PACS1: variants seen among roughly 807,000 people sequenced by gnomAD.
PACS1 encodes the protein PACS-1.
A neutral mutation model predicts 115.0 loss-of-function variants in PACS1; 24 were observed. The observed-to-expected ratio is 0.21, with a 90% confidence interval of 0.15 to 0.29. PACS1 has a LOEUF of 0.29. Among genes scored for constraint, PACS1 ranks in the 10% least tolerant of loss-of-function variants. The pLI is 1.00. For synonymous variants in PACS1, 453 were observed against 504.5 expected (o/e 0.90, Z 1.37); for missense variants, 838 against 1,251.2 (o/e 0.67, Z 4.98).
At position 66,096,524 on chromosome 11, in the gene PACS1, C is replaced by T. The variant is rs547430873; in HGVS notation, c.356+25682C>T. On this transcript the variant is annotated intron_variant, in intron 1 of 23. Transcript: ENST00000320580. ...TGAATTTTTTTTTTTTTTTTTGAGA[C>T]GGGAGTTTCACTCTTGTTGCCCAGG... is the stretch of plus-strand genomic sequence containing the variant. Among the ~76,000 whole-genome samples the T allele has an allele frequency of 5.6e-3, 759 of 135,052 alleles. 18 individuals carry two copies. The highest frequency in any genetic ancestry group is 3.2e-3 in the Non-Finnish European group (207 of 63,978). 88.6% of individuals were successfully genotyped at this position (135,052 alleles called of 152,430 possible).
intron 2 of PACS1, among the ~76,000 whole-genome samples, chr11:66,198,509 A>T (rs992628575): frequency 6.6e-6 from 1 of 152,126 alleles, no homozygotes; most frequent in African/African-American, 2.4e-5. Flanking sequence ...AGACACAAAA[A>T]ACCACATATT....
intron 1 of PACS1, among the ~76,000 whole-genome samples, chr11:66,190,305 C>G (rs1224335576): frequency 6.6e-6 from 1 of 152,118 alleles, no homozygotes; most frequent in Non-Finnish European, 1.5e-5. Context: ...CATATTCAGT[C>G]TTTTCCATTG....
At position 66,235,226 on chromosome 11, in the gene PACS1, T is replaced by A; in HGVS notation, c.2105-75T>A. The A allele has an allele frequency of 9.6e-7, 1 of 1,039,060 alleles. No individual in the cohort carries two copies. The highest frequency in any genetic ancestry group is 1.3e-5 in the South Asian group (1 of 76,456). 64.4% of individuals were successfully genotyped at this position (1,039,060 alleles called of 1,614,324 possible). A position where few individuals can be genotyped will look rare whatever the true frequency, so the allele number is the denominator to read the frequency against. ...GAGTCTGACGGGTCTCAGGAAGGGATCCCTCTCCGAGAGGGTCTGCAGGTT... is the reference window on the plus strand; with the variant it reads ...GAGTCTGACGGGTCTCAGGAAGGGAACCCTCTCCGAGAGGGTCTGCAGGTT... On this transcript the variant is annotated intron_variant, in intron 17 of 23. Transcript: ENST00000320580. The surrounding 1 kb of genome is among the most constrained non-coding windows in gnomAD (Gnocchi z 5.6).
At chr11:66,115,576 A>G (rs1021163749) in intron 1 of PACS1, among the ~76,000 whole-genome samples, 6 of 152,250 alleles carry the variant, frequency 3.9e-5, no homozygotes, top group African/African-American at 1.4e-4. Context: ...GAATCTTTCA[A>G]AACCCCACAT....
intron 4 of PACS1, among the ~76,000 whole-genome samples, chr11:66,215,716 G>A (rs1190915108): frequency 3.3e-5 from 5 of 151,830 alleles, no homozygotes; most frequent in Non-Finnish European, 5.9e-5. Context: ...GGCCAACATA[G>A]TGAAACCCTG....
At chr11:66,133,255 G>A (rs1938773809) in intron 1 of PACS1, among the ~76,000 whole-genome samples, 1 of 152,270 alleles carries the variant, frequency 6.6e-6, no homozygotes, top group Non-Finnish European at 1.5e-5. Context: ...TTTATTTGTT[G>A]CATTTATTCA....
At chr11:66,200,696 CA>C (rs1213447934) in intron 2 of PACS1, among the ~76,000 whole-genome samples, 1 of 152,128 alleles carries the variant, frequency 6.6e-6, no homozygotes. Context: ...CCCATTACAA[CA>C]ATAGCTAGAG....
At chr11:66,095,251 C>T (rs1327245108) in intron 1 of PACS1, among the ~76,000 whole-genome samples, 3 of 151,776 alleles carry the variant, frequency 2.0e-5, no homozygotes. Flanking sequence ...AAGAGGAAGT[C>T]AAATTGTCCC....
At chr11:66,186,170 G>A (rs1050106466) in intron 1 of PACS1, among the ~76,000 whole-genome samples, 1 of 151,972 alleles carries the variant, frequency 6.6e-6, no homozygotes, top group Non-Finnish European at 1.5e-5. Flanking sequence ...AGCTACTTAG[G>A]AGGTTGAGAT....
chr11:66,150,376 T>A (rs1289615351), intron 1 of PACS1, among the ~76,000 whole-genome samples: 1 of 152,176 alleles, frequency 6.6e-6, no homozygotes, highest in Non-Finnish European at 1.5e-5. Flanking sequence ...TTTGCTGACT[T>A]CTAGGCAGGA....
At chr11:66,230,392 C>G in intron 11 of PACS1, 156 bp from the exon 12 acceptor site, 1 of 620,036 alleles carries the variant, frequency 1.6e-6, no homozygotes, top group South Asian at 1.9e-5. Context: ...GATTTTCCTT[C>G]GGCTGAGGCA....
intron 1 of PACS1, among the ~76,000 whole-genome samples, chr11:66,074,319 A>G (rs1857359246): frequency 6.6e-6 from 1 of 152,154 alleles, no homozygotes; most frequent in South Asian, 2.1e-4. Context: ...GCTAAGTAGT[A>G]CTTCCTCTAC....
intron 1 of PACS1, among the ~76,000 whole-genome samples, chr11:66,190,923 G>T (rs1854505455): frequency 6.6e-6 from 1 of 152,184 alleles, no homozygotes; most frequent in South Asian, 2.1e-4. Flanking sequence ...AGGAGGCGGT[G>T]ACGTGATGGG....
chr11:66,118,789 A>AAAAG (rs1490106126), intron 1 of PACS1, among the ~76,000 whole-genome samples: 5 of 151,068 alleles, frequency 3.3e-5, no homozygotes, highest in African/African-American at 7.3e-5. Context: ...AAAAAAAAAA[A>AAAAG]AAAGAAAGAA....
chr11:66,072,295 C>A (rs889702270), intron 1 of PACS1, among the ~76,000 whole-genome samples: 1 of 151,972 alleles, frequency 6.6e-6, no homozygotes, highest in Non-Finnish European at 1.5e-5. Flanking sequence ...TACCGTAATT[C>A]TCTTGAATAT....
At chr11:66,196,624 GT>G (rs748735476) in intron 2 of PACS1, among the ~76,000 whole-genome samples, 3 of 150,504 alleles carry the variant, frequency 2.0e-5, no homozygotes, top group Non-Finnish European at 4.4e-5. Context: ...CTTTTTTTTT[GT>G]TTGAGACAGA....
intron 19 of PACS1, chr11:66,237,959 A>G: frequency 4.8e-6 from 3 of 628,666 alleles, no homozygotes; most frequent in Non-Finnish European, 5.9e-6. Context: ...ATTTCGCCCC[A>G]TCAGGGTCCA....
Position 66,079,816 on chromosome 11 carries a change from G to A in PACS1, c.356+8974G>A, listed in dbSNP as rs1385835282. Among the ~76,000 whole-genome samples, 5 of 152,192 alleles carry A rather than the reference G, an allele frequency of 3.3e-5. No homozygotes were observed. In the South Asian group the frequency reaches 8.3e-4, roughly 25 times the overall value. On this transcript the variant is annotated intron_variant, in intron 1 of 23. Coordinates refer to ENST00000320580, the MANE Select transcript of PACS1 (RefSeq NM_018026.4). ...TTTCATGGTTCAGGAGATGCTAAAC[G>A]ATGCAGCCCCTTCCCATGTCTTTGA... is the stretch of plus-strand genomic sequence containing the variant.
intron 2 of PACS1, among the ~76,000 whole-genome samples, chr11:66,208,211 T>C (rs1430954044): frequency 4.6e-5 from 7 of 152,216 alleles, no homozygotes; most frequent in African/African-American, 1.7e-4. Flanking sequence ...GTGTGGAGTT[T>C]TCCCCTAAGG....
Sources: allele counts gnomAD v4.1 joint callset (sites outside exome capture counted in the v4.1 genomes callset), GRCh38; gene constraint gnomAD v4.1.1; non-coding constraint Gnocchi (gnomAD v3.1); transcripts MANE v1.5; gene names NCBI Gene and HGNC (gene_info 2026-07-23, HGNC 2026-07-21).